Variants in FMN1 observed in about 807,000 individuals in gnomAD.
FMN1 encodes the protein formin-1.
Under a neutral mutation model 132.4 loss-of-function variants are expected in FMN1, and 110 were observed. The observed-to-expected ratio is 0.83, with a 90% CI of 0.71 to 0.97. FMN1 has a LOEUF of 0.97. FMN1 is among the 50% of genes least tolerant of loss of function. The pLI is 0.00. For synonymous variants in FMN1, 722 were observed against 651.7 expected (o/e 1.11, Z -1.64); for missense variants, 1,792 against 1,705.3 (o/e 1.05, Z -0.90).
At chr15:32,849,710 G>A (rs1325304676) in intron 17 of FMN1, among the ~76,000 whole-genome samples, 1 of 151,852 alleles carries the variant, frequency 6.6e-6, no homozygotes, top group Non-Finnish European at 1.5e-5. Flanking sequence ...AGGCTGCAGT[G>A]CAGTGGTATG....
At chr15:33,117,123 C>T (rs2039958542) in intron 4 of FMN1, among the ~76,000 whole-genome samples, 1 of 151,996 alleles carries the variant, frequency 6.6e-6, no homozygotes, top group African/African-American at 2.4e-5. Context: ...ATAGTGAGAG[C>T]TTAAGAACAA....
At chr15:32,783,252 T>C (rs2056729397) in intron 19 of FMN1, among the ~76,000 whole-genome samples, 1 of 152,250 alleles carries the variant, frequency 6.6e-6, no homozygotes, top group African/African-American at 2.4e-5. Flanking sequence ...ATATTCTCAA[T>C]TGATAAACGT....
At chr15:33,029,823 A>T (rs1340623244) in intron 6 of FMN1, among the ~76,000 whole-genome samples, 2 of 152,188 alleles carry the variant, frequency 1.3e-5, no homozygotes, top group Non-Finnish European at 2.9e-5. Flanking sequence ...AAAAAGCCAG[A>T]ATGATAGAAG....
At chr15:33,170,568 A>C (rs74941219) in intron 3 of FMN1, among the ~76,000 whole-genome samples, 27 of 142,932 alleles carry the variant, frequency 1.9e-4, no homozygotes, top group African/African-American at 4.2e-4. Context: ...AAAAAAAAAA[A>C]ACCCGTTGAA....
chr15:32,948,518 T>G (rs950181366), intron 9 of FMN1, among the ~76,000 whole-genome samples: 8 of 152,052 alleles, frequency 5.3e-5, no homozygotes, highest in Admixed American at 5.2e-4. Flanking sequence ...ACCTCGCATT[T>G]TGTGTGACGA....
At chr15:32,787,287 G>A (rs12911544) in intron 19 of FMN1, among the ~76,000 whole-genome samples, 23,628 of 152,198 alleles carry the variant, frequency 0.16, 2,339 homozygotes, top group Non-Finnish European at 0.21. Flanking sequence ...AGAGAAAAGA[G>A]CCATAAACAG....
intron 9 of FMN1, among the ~76,000 whole-genome samples, chr15:32,955,958 A>G (rs183002419): frequency 3.1e-3 from 475 of 152,222 alleles, no homozygotes; most frequent in African/African-American, 0.01. Context: ...ATGGCTACTA[A>G]TGATTTTTTT....
At chr15:33,155,516 C>G (rs1406338898) in intron 3 of FMN1, among the ~76,000 whole-genome samples, 1 of 152,176 alleles carries the variant, frequency 6.6e-6, no homozygotes, top group African/African-American at 2.4e-5. Flanking sequence ...AAACCACCTT[C>G]AAGATCTGAG....
At position 32,804,268 on chromosome 15, in the gene FMN1, C is replaced by G; in HGVS notation, c.3980+13G>C. On this transcript the variant is annotated intron_variant, in intron 18 of 20. Transcript: ENST00000616417. ...GTCAAAGAAAGAACTGGGGCCAAAT[C>G]AGAGCTGCTTACCTTTTCTGTGCAT... is the stretch of plus-strand genomic sequence containing the variant. 1 of 1,557,816 alleles carries G rather than the reference C, an allele frequency of 6.4e-7. No individual in the cohort carries two copies. Among genetic ancestry groups the G allele is most frequent in the South Asian group, 1.2e-5 (1 of 84,400 alleles).
intron 4 of FMN1, 99 bp from the exon 5 acceptor site, chr15:33,089,073 A>G (rs957746888): frequency 1.1e-6 from 1 of 925,220 alleles, no homozygotes; most frequent in Non-Finnish European, 1.6e-6. Flanking sequence ...TCTCTATGCT[A>G]GCTCTTACTT....
Position 33,123,835 on chromosome 15 carries a change from G to C in FMN1, c.1867+29213C>G, listed in dbSNP as rs114120633. ...CAACTAAACTGGCTTAGGCAGAATA[G>C]AATTTGTTCATATAACCAAAAAGTC... On this transcript the variant is annotated intron_variant, in intron 4 of 20. Coordinates refer to ENST00000616417, the MANE Select transcript of FMN1 (RefSeq NM_001277313.2). Among the ~76,000 whole-genome samples the C allele has an allele frequency of 2.3e-3, 343 of 152,274 alleles. 1 individual carries two copies. Among genetic ancestry groups the C allele is most frequent in the African/African-American group, 7.9e-3 (329 of 41,542 alleles).
rs148308345 is a variant in FMN1 at position 33,007,721 on chromosome 15, TTA to T, written c.2223+291_2223+292del. Among the ~76,000 whole-genome samples the T allele has an allele frequency of 4.5e-3, 691 of 152,266 alleles. 3 individuals carry two copies. Among genetic ancestry groups the T allele is most frequent in the African/African-American group, 0.016 (671 of 41,548 alleles). On this transcript the variant is annotated intron_variant, in intron 7 of 20. Coordinates refer to ENST00000616417, the MANE Select transcript of FMN1 (RefSeq NM_001277313.2). ...TAGAAAAAAAAACTTCTACTATATT[TTA>T]TATAACAGCAGAAGTCTATTCCATC...
chr15:33,066,629 G>A (rs1392934595), intron 5 of FMN1: 10 of 1,613,762 alleles, frequency 6.2e-6, no homozygotes, highest in Non-Finnish European at 7.6e-6. Flanking sequence ...AGAGGTGTCA[G>A]CTGTGGTCCC....
chr15:33,072,284 C>G (rs959158282), intron 5 of FMN1, among the ~76,000 whole-genome samples: 3 of 152,160 alleles, frequency 2.0e-5, no homozygotes, highest in Admixed American at 1.3e-4. Flanking sequence ...GATGTGAAAC[C>G]TGCACATATG....
At chr15:32,799,086 G>C in intron 18 of FMN1, 133 bp from the exon 19 acceptor site, 1 of 670,976 alleles carries the variant, frequency 1.5e-6, no homozygotes, top group Non-Finnish European at 2.5e-6. Context: ...GGGGCTCATA[G>C]TTACTGAAGT....
chr15:33,048,788 T>C (rs537710412), intron 6 of FMN1, among the ~76,000 whole-genome samples: 1 of 152,028 alleles, frequency 6.6e-6, no homozygotes, highest in Non-Finnish European at 1.5e-5. Flanking sequence ...CTTCCACTTA[T>C]AAAACCATCA....
chr15:33,078,154 T>C (rs2038297364), intron 5 of FMN1, among the ~76,000 whole-genome samples: 1 of 152,228 alleles, frequency 6.6e-6, no homozygotes, highest in Non-Finnish European at 1.5e-5. Context: ...GCAGGTTCTT[T>C]AACGTCTCTA....
intron 17 of FMN1, among the ~76,000 whole-genome samples, chr15:32,856,160 C>G (rs1041600313): frequency 1.3e-5 from 2 of 152,110 alleles, no homozygotes; most frequent in African/African-American, 4.8e-5. Flanking sequence ...GCTTAACAGT[C>G]TTTTGTTGAT....
At chr15:33,104,994 G>A (rs937175117) in intron 4 of FMN1, among the ~76,000 whole-genome samples, 5 of 152,128 alleles carry the variant, frequency 3.3e-5, no homozygotes, top group Non-Finnish European at 5.9e-5. Context: ...CAAGAGCTCT[G>A]AGAGGTGGTG....
Sources: gnomAD v4.1 joint callset for allele counts (sites outside exome capture counted in the v4.1 genomes callset) on GRCh38, gnomAD v4.1.1 for gene constraint, MANE v1.5 for transcripts, NCBI Gene and HGNC (gene_info 2026-07-23, HGNC 2026-07-21) for gene names.